The following ARHGAP39 variants were observed in gnomAD, a reference collection of about 807,000 sequenced individuals.
ARHGAP39 encodes the protein rho GTPase-activating protein 39.
Under a neutral mutation model 106.9 loss-of-function variants are expected in ARHGAP39, and 44 were observed. That is an observed-to-expected ratio of 0.41 (90% CI 0.32 to 0.53). The LOEUF (loss-of-function observed/expected upper bound fraction) is 0.53, where lower values mean the gene tolerates loss of function less well. Ranked by LOEUF, ARHGAP39 falls within the 20% of genes least tolerant of loss-of-function variation. ARHGAP39 has a pLI of 0.21. For synonymous variants in ARHGAP39, 768 were observed against 693.2 expected, an observed-to-expected ratio of 1.11 and a Z score of -1.69; for missense variants, 1,496 against 1,577.3, an observed-to-expected ratio of 0.95 and a Z score of 0.87.
chr8:144,599,237 G>A (rs373685248), intron 2 of ARHGAP39, among the ~76,000 whole-genome samples: 2 of 152,306 alleles, frequency 1.3e-5, no homozygotes, highest in South Asian at 2.1e-4. Flanking sequence ...AGCAGTCCTT[G>A]TAATTGCAGA....
intron 2 of ARHGAP39, among the ~76,000 whole-genome samples, chr8:144,599,585 G>A (rs977761462): frequency 3.9e-5 from 6 of 152,160 alleles, no homozygotes; most frequent in Non-Finnish European, 5.9e-5. Context: ...GCCTGTGTAC[G>A]GTTGGGGCTT....
rs1819197316 is a variant in ARHGAP39, at chr8:144,586,727, G to A, written c.81-5450C>T. Among the ~76,000 whole-genome samples, 1 of 152,216 alleles carries A rather than the reference G, an allele frequency of 6.6e-6. No homozygotes were observed. The highest frequency in any genetic ancestry group is 2.4e-5 in the African/African-American group (1 of 41,458). ...AGAGCCTGCCCAGGGAAGGGGGCCT[G>A]GATGACAGCCCAGAAGCAGAAGTGT... is the stretch of plus-strand genomic sequence containing the variant. On this transcript the variant is annotated intron_variant, in intron 2 of 11. Transcript: ENST00000377307. This position sits in a 1 kb window ranked among gnomAD's most constrained non-coding sequence, Gnocchi z 4.2.
At chr8:144,561,271 G>A (rs996661324) in intron 3 of ARHGAP39, among the ~76,000 whole-genome samples, 1 of 133,876 alleles carries the variant, frequency 7.5e-6, no homozygotes, top group African/African-American at 4.0e-5. Context: ...GACCCCAGTG[G>A]TTTCCATCAC....
chr8:144,590,231 A>C (rs958806641), intron 2 of ARHGAP39, among the ~76,000 whole-genome samples: 2 of 152,218 alleles, frequency 1.3e-5, no homozygotes, highest in Non-Finnish European at 2.9e-5. Flanking sequence ...GGGCAGGGCC[A>C]TCTCTGGTGA....
chr8:144,627,513 C>T (rs1285265936), intron 1 of ARHGAP39, among the ~76,000 whole-genome samples: 2 of 146,314 alleles, frequency 1.4e-5, no homozygotes, highest in Non-Finnish European at 1.5e-5. Context: ...TGAGATCGCA[C>T]CACTGCACTC....
At chr8:144,689,457 A>ATTTT (rs1822701205), upstream of ARHGAP39, among the ~76,000 whole-genome samples, 1 of 110,492 alleles carries the variant, frequency 9.1e-6, no homozygotes, top group Non-Finnish European at 1.8e-5. Context: ...TTTTTTTTGA[A>ATTTT]AAGGAGTCTC....
intron 2 of ARHGAP39, among the ~76,000 whole-genome samples, chr8:144,602,043 G>GCA: frequency 6.8e-6 from 1 of 146,146 alleles, no homozygotes; most frequent in South Asian, 2.2e-4. Context: ...GAACCTGTGT[G>GCA]TGTGCGTGGA....
intron 1 of ARHGAP39, among the ~76,000 whole-genome samples, chr8:144,629,478 G>C (rs113336858): frequency 0.036 from 5,489 of 152,342 alleles, 340 homozygotes; most frequent in African/African-American, 0.13. Context: ...GGGAAGGCCA[G>C]CAGGAGTGGG....
intron 3 of ARHGAP39, among the ~76,000 whole-genome samples, chr8:144,570,489 C>A (rs1313642986): frequency 6.6e-6 from 1 of 152,134 alleles, no homozygotes; most frequent in East Asian, 1.9e-4. Flanking sequence ...GACTTCAAGG[C>A]AAGAAGACTG....
At chr8:144,540,768 T>A (rs1292715880) in intron 6 of ARHGAP39, among the ~76,000 whole-genome samples, 2 of 152,120 alleles carry the variant, frequency 1.3e-5, no homozygotes, top group African/African-American at 4.8e-5. Context: ...CCACTGCACT[T>A]CCCTGGGCAA....
At chr8:144,589,395 C>T (rs1819305605) in intron 2 of ARHGAP39, among the ~76,000 whole-genome samples, 1 of 152,192 alleles carries the variant, frequency 6.6e-6, no homozygotes, top group Non-Finnish European at 1.5e-5. Flanking sequence ...CCCAGAGGGG[C>T]TCAGGGGACA....
chr8:144,680,810 T>C (rs1183294147), intron 1 of ARHGAP39, among the ~76,000 whole-genome samples: 3 of 152,148 alleles, frequency 2.0e-5, no homozygotes, highest in Admixed American at 2.0e-4. Flanking sequence ...CTTTTCACAA[T>C]ACACGAACTA....
rs375868923 is a variant in ARHGAP39, at chr8:144,545,441, C to G, written c.2329G>C (p.Val777Leu). Residue 777 changes from valine (V) to leucine (L), a missense_variant, in exon 6 of 12, where the codon GTG (valine) becomes CTG (leucine). Physicochemically the swap from Val to Leu is conservative, Grantham distance 32. This residue lies in a region of ARHGAP39 where 470 missense variants were observed against 605.1 expected (regional missense o/e 0.78). Coordinates refer to ENST00000377307, the MANE Select transcript of ARHGAP39 (RefSeq NM_025251.3). ...TAGAGCTCGTCCCGCAGGCCCTGCA[C>G]GCTCCAGCCCTTGGTGGCCACCTCC... Reference protein sequence around the residue: ...ALEVATKGWSVQGLRDELYIQ... With the variant: ...ALEVATKGWSLQGLRDELYIQ... The G allele has an allele frequency of 1.3e-6, 2 of 1,589,786 alleles. No homozygotes were observed. Among genetic ancestry groups the G allele is most frequent in the Middle Eastern group, 1.7e-4 (1 of 5,990 alleles).
intron 6 of ARHGAP39, among the ~76,000 whole-genome samples, chr8:144,539,887 C>T (rs1185554254): frequency 2.6e-5 from 4 of 152,114 alleles, no homozygotes; most frequent in Admixed American, 6.5e-5. Flanking sequence ...CTTTGTAGTT[C>T]CTATGCATTT....
chr8:144,546,348 C>G (rs529086643), intron 5 of ARHGAP39, among the ~76,000 whole-genome samples: 1 of 152,312 alleles, frequency 6.6e-6, no homozygotes, highest in Non-Finnish European at 1.5e-5. Context: ...TCTCTGCCCT[C>G]TTGTCCTGCA....
upstream of ARHGAP39, among the ~76,000 whole-genome samples, chr8:144,690,369 G>A (rs954048096): frequency 1.3e-5 from 2 of 152,064 alleles, no homozygotes; most frequent in Non-Finnish European, 2.9e-5. Flanking sequence ...GCCTCCCAAA[G>A]TGTTGGGATT....
At chr8:144,692,443 G>A in the ARHGAP39 span, among the ~76,000 whole-genome samples, 2 of 152,212 alleles carry the variant, frequency 1.3e-5, no homozygotes, top group Admixed American at 6.5e-5. Context: ...TGGGGCAGCC[G>A]CAGGAAAGCA....
intron 1 of ARHGAP39, among the ~76,000 whole-genome samples, chr8:144,669,710 A>G (rs543947197): frequency 2.5e-3 from 378 of 152,300 alleles, no homozygotes; most frequent in African/African-American, 8.8e-3. Context: ...ATGGGACAGG[A>G]TATGAATAGA....
At chr8:144,654,089 G>A (rs2129657360) in intron 1 of ARHGAP39, among the ~76,000 whole-genome samples, 1 of 152,348 alleles carries the variant, frequency 6.6e-6, no homozygotes, top group South Asian at 2.1e-4. Flanking sequence ...AAGCCCAGTG[G>A]AAGATGAACA....
Sources: allele counts gnomAD v4.1 joint callset (sites outside exome capture counted in the v4.1 genomes callset), GRCh38; gene constraint gnomAD v4.1.1; regional missense constraint gnomAD v4.1.1; non-coding constraint Gnocchi (gnomAD v3.1); transcripts MANE v1.5; gene names NCBI Gene and HGNC (gene_info 2026-07-23, HGNC 2026-07-21).